CLDN10: variants seen among roughly 807,000 people sequenced by gnomAD.
The protein encoded by CLDN10 is claudin-10.
CLDN10 carries 15 observed loss-of-function variants against 22.9 expected under a neutral mutation model. The ratio of observed to expected loss-of-function variants is 0.65; its 90% CI spans 0.44 to 1.01. CLDN10 has a LOEUF of 1.01. Ranked by LOEUF, CLDN10 falls within the 50% of genes least tolerant of loss-of-function variation. The pLI, the probability that CLDN10 is intolerant of heterozygous loss-of-function variation, is 0.00. For missense variants in CLDN10, 247 were observed against 287.8 expected (o/e 0.86, Z 1.03); for synonymous variants, 114 against 111.4 (o/e 1.02, Z -0.15).
intron 1 of CLDN10, among the ~76,000 whole-genome samples, chr13:95,451,359 T>A (rs1163779927): frequency 6.6e-6 from 1 of 152,248 alleles, no homozygotes; most frequent in African/African-American, 2.4e-5. Flanking sequence ...CAATGCCATT[T>A]GTTATTCAAA....
At chr13:95,572,098 A>T (rs1173689823) in intron 3 of CLDN10, among the ~76,000 whole-genome samples, 1 of 152,120 alleles carries the variant, frequency 6.6e-6, no homozygotes, top group Non-Finnish European at 1.5e-5. Context: ...TTTCAGCTCC[A>T]ACATGCCCTG....
intron 1 of CLDN10, among the ~76,000 whole-genome samples, chr13:95,478,241 G>A (rs1161416812): frequency 5.3e-5 from 8 of 152,230 alleles, no homozygotes; most frequent in Non-Finnish European, 8.8e-5. Flanking sequence ...CCAGGGAGCT[G>A]AGGTTGCAGT....
intron 3 of CLDN10, among the ~76,000 whole-genome samples, chr13:95,565,983 C>A (rs568365299): frequency 1.3e-5 from 2 of 152,268 alleles, no homozygotes; most frequent in South Asian, 4.1e-4. Context: ...GCATAGTATT[C>A]CATGGTGTAT....
chr13:95,543,093 A>G (rs1264767016), intron 1 of CLDN10, among the ~76,000 whole-genome samples: 2 of 152,124 alleles, frequency 1.3e-5, no homozygotes, highest in East Asian at 3.9e-4. Context: ...TTAGCCAAGC[A>G]TAGTGTCACA....
At chr13:95,473,296 G>A (rs1461470622) in intron 1 of CLDN10, among the ~76,000 whole-genome samples, 1 of 152,088 alleles carries the variant, frequency 6.6e-6, no homozygotes, top group African/African-American at 2.4e-5. Flanking sequence ...CCTAGGTGAT[G>A]GGTTAATAGA....
intron 1 of CLDN10, among the ~76,000 whole-genome samples, chr13:95,519,484 A>C (rs1466214693): frequency 6.6e-6 from 1 of 152,258 alleles, no homozygotes; most frequent in Non-Finnish European, 1.5e-5. Flanking sequence ...GCTAGAAGTT[A>C]TACAGCAGTT....
At chr13:95,532,950 T>C (rs2043361126) in intron 1 of CLDN10, among the ~76,000 whole-genome samples, 1 of 151,962 alleles carries the variant, frequency 6.6e-6, no homozygotes, top group Non-Finnish European at 1.5e-5. Context: ...TAGTCTACTG[T>C]GGAAAACACA....
intron 1 of CLDN10, among the ~76,000 whole-genome samples, chr13:95,482,163 G>A (rs956309509): frequency 2.0e-5 from 3 of 152,140 alleles, no homozygotes; most frequent in African/African-American, 7.2e-5. Flanking sequence ...CACATCGCAT[G>A]CCTGTATCAA....
intron 3 of CLDN10, among the ~76,000 whole-genome samples, chr13:95,576,447 A>C (rs2043927427): frequency 6.6e-6 from 1 of 152,242 alleles, no homozygotes; most frequent in African/African-American, 2.4e-5. Flanking sequence ...TTCTGGAGAA[A>C]GCTAAACAAA....
chr13:95,483,433 T>G (rs2042771265), intron 1 of CLDN10, among the ~76,000 whole-genome samples: 2 of 152,204 alleles, frequency 1.3e-5, no homozygotes, highest in African/African-American at 4.8e-5. Context: ...GGTCTTCAAC[T>G]ACTGAGCTCA....
At chr13:95,479,046 C>A (rs1364910705) in intron 1 of CLDN10, among the ~76,000 whole-genome samples, 1 of 152,202 alleles carries the variant, frequency 6.6e-6, no homozygotes, top group Non-Finnish European at 1.5e-5. Flanking sequence ...AGATAACAAG[C>A]TTCCTAATAA....
At chr13:95,527,714 C>A (rs2043298799) in intron 1 of CLDN10, among the ~76,000 whole-genome samples, 2 of 152,236 alleles carry the variant, frequency 1.3e-5, no homozygotes, top group South Asian at 4.2e-4. Flanking sequence ...CCAGCCTAAG[C>A]AACAGAGCAA....
chr13:95,440,182 G>A (rs533176986), intron 1 of CLDN10, among the ~76,000 whole-genome samples: 4 of 152,266 alleles, frequency 2.6e-5, no homozygotes, highest in Non-Finnish European at 4.4e-5. Context: ...AAAGTGCTGG[G>A]ATTACAGGCG....
At chr13:95,516,430 T>G (rs1173077257) in intron 1 of CLDN10, among the ~76,000 whole-genome samples, 2 of 152,208 alleles carry the variant, frequency 1.3e-5, no homozygotes. Flanking sequence ...CTGGAGGATT[T>G]GGATTCAGAC....
chr13:95,434,698 G>A (rs1213151915), intron 1 of CLDN10, among the ~76,000 whole-genome samples: 1 of 151,786 alleles, frequency 6.6e-6, no homozygotes, highest in East Asian at 1.9e-4. Context: ...GGCAAACGAT[G>A]GCAAATTCAA....
chr13:95,563,038 T>A (rs1198179230), intron 3 of CLDN10, among the ~76,000 whole-genome samples: 1 of 151,924 alleles, frequency 6.6e-6, no homozygotes, highest in Non-Finnish European at 1.5e-5. Flanking sequence ...TGGTGCTACA[T>A]TGGCTATTCC....
intron 3 of CLDN10, among the ~76,000 whole-genome samples, chr13:95,565,144 C>A (rs1314796585): frequency 6.7e-6 from 1 of 149,144 alleles, no homozygotes; most frequent in Non-Finnish European, 1.5e-5. Flanking sequence ...AAAAAAAAAT[C>A]TCCTGCAAGC....
intron 1 of CLDN10, among the ~76,000 whole-genome samples, chr13:95,513,338 T>C (rs1337988464): frequency 6.6e-6 from 1 of 152,206 alleles, no homozygotes; most frequent in Non-Finnish European, 1.5e-5. Context: ...AAGAAGAAAT[T>C]TTATAGTTTA....
intron 1 of CLDN10, among the ~76,000 whole-genome samples, chr13:95,491,182 A>C (rs2042868664): frequency 6.6e-6 from 1 of 152,062 alleles, no homozygotes; most frequent in African/African-American, 2.4e-5. Context: ...GGCAACAGAG[A>C]GTTGGTTGGT....
Sources: allele counts gnomAD v4.1 joint callset (sites outside exome capture counted in the v4.1 genomes callset), GRCh38; gene constraint gnomAD v4.1.1; transcripts MANE v1.5; gene names NCBI Gene and HGNC (gene_info 2026-07-23, HGNC 2026-07-21).